The following SLC17A6 variants were observed in gnomAD, a reference collection of about 807,000 sequenced individuals.
SLC17A6 encodes solute carrier family 17 member 6.
A neutral mutation model predicts 67.1 loss-of-function variants in SLC17A6; 35 were observed. The observed-to-expected ratio is 0.52, with a 90% CI of 0.40 to 0.69. The LOEUF (loss-of-function observed/expected upper bound fraction) is 0.69, where lower values mean the gene tolerates loss of function less well. SLC17A6 is among the 30% of genes least tolerant of loss of function. The pLI is 0.00. For synonymous variants in SLC17A6, 285 were observed against 252.3 expected, an observed-to-expected ratio of 1.13 and a Z score of -1.23; for missense variants, 588 against 723.9, an observed-to-expected ratio of 0.81 and a Z score of 2.15.
intron 3 of SLC17A6, among the ~76,000 whole-genome samples, chr11:22,348,316 C>T (rs75999168): frequency 0.026 from 4,009 of 152,248 alleles, 173 homozygotes; most frequent in African/African-American, 0.092. Flanking sequence ...GGAAGAATTT[C>T]ATGAATTAGC....
rs372049886 is a variant in SLC17A6 at position 22,376,544 on chromosome 11, G to A, written c.1286-1G>A. On this transcript the variant is annotated splice_acceptor_variant, in intron 10 of 11. Coordinates refer to ENST00000263160, the MANE Select transcript of SLC17A6 (RefSeq NM_020346.3). LOFTEE classifies it high-confidence loss of function. ...AGTCAAAACTTATGTGTGTATTTCA[G>A]GTTTCAATGTTAACCACTTGGATAT... The A allele has an allele frequency of 1.2e-6, 2 of 1,613,674 alleles. No individual in the cohort carries two copies. The highest frequency in any genetic ancestry group is 1.7e-6 in the Non-Finnish European group (2 of 1,179,862).
chr11:22,361,012 G>T, intron 5 of SLC17A6, 28 bp downstream of exon 5: 2 of 1,592,958 alleles, frequency 1.3e-6, no homozygotes, highest in Non-Finnish European at 1.7e-6. Context: ...ATGCAGCTAT[G>T]GTGGCTAAAA....
chr11:22,369,649 G>T (rs146658424), intron 7 of SLC17A6, among the ~76,000 whole-genome samples: 2 of 151,416 alleles, frequency 1.3e-5, no homozygotes, highest in Non-Finnish European at 3.0e-5. Flanking sequence ...AAATGTTTTG[G>T]ATATCACAAG....
chr11:22,357,088 G>C (rs184998862), intron 3 of SLC17A6, among the ~76,000 whole-genome samples: 1 of 152,018 alleles, frequency 6.6e-6, no homozygotes, highest in Admixed American at 6.6e-5. Flanking sequence ...AAACTCATTG[G>C]GTTTTAAATA....
At chr11:22,344,828 G>T (rs143374690) in intron 3 of SLC17A6, among the ~76,000 whole-genome samples, 1,564 of 152,158 alleles carry the variant, frequency 0.01, 17 homozygotes, top group Middle Eastern at 0.031. Context: ...AAATATTATT[G>T]ATTATGAGCA....
At chr11:22,346,755 T>C (rs2593693) in intron 3 of SLC17A6, among the ~76,000 whole-genome samples, 45,225 of 150,294 alleles carry the variant, frequency 0.3, 7,659 homozygotes, top group African/African-American at 0.47. Flanking sequence ...TTTTACCCTG[T>C]ATTTAAATTG....
intron 1 of SLC17A6, among the ~76,000 whole-genome samples, chr11:22,339,061 TTA>T (rs59446847): frequency 0.073 from 8,993 of 123,662 alleles, 1,022 homozygotes; most frequent in East Asian, 0.22. Context: ...GAGTAATGGT[TTA>T]TATATATATA....
chr11:22,359,309 GA>G (rs564313340), intron 3 of SLC17A6, 103 bp from the exon 4 acceptor site: 333 of 602,394 alleles, frequency 5.5e-4, no homozygotes, highest in Non-Finnish European at 8.0e-4. Context: ...AATTATTGGC[GA>G]TTTTTTTATT....
At chr11:22,355,842 C>T (rs1855988349) in intron 3 of SLC17A6, among the ~76,000 whole-genome samples, 1 of 152,092 alleles carries the variant, frequency 6.6e-6, no homozygotes, top group African/African-American at 2.4e-5. Context: ...TTGAAAGTTT[C>T]CCTACCAAAG....
At chr11:22,347,416 A>T (rs7395002) in intron 3 of SLC17A6, among the ~76,000 whole-genome samples, 1 of 152,140 alleles carries the variant, frequency 6.6e-6, no homozygotes, top group East Asian at 1.9e-4. Context: ...GGGTCGTAAC[A>T]GCTAAATATA....
chr11:22,376,503 C>T lies in SLC17A6; in HGVS notation c.1286-42C>T, dbSNP rs369548087. 26 of 1,611,950 alleles carry T rather than the reference C, an allele frequency of 1.6e-5. No individual in the cohort carries two copies. The East Asian group carries it at 4.0e-4, about 25-fold the overall frequency. The stretch of plus-strand genomic sequence containing the variant: ...GTTCTATAGGTATTTACTTCTAAGA[C>T]GTTTAGGATGCCCTGAGTCAAAACT... On this transcript the variant is annotated intron_variant, in intron 10 of 11. Transcript: ENST00000263160.
At chr11:22,354,890 A>G (rs1393197720) in intron 3 of SLC17A6, among the ~76,000 whole-genome samples, 1 of 152,214 alleles carries the variant, frequency 6.6e-6, no homozygotes, top group Non-Finnish European at 1.5e-5. Context: ...TTCAATAACA[A>G]TTGACAACTA....
At chr11:22,351,008 A>G (rs1359633639) in intron 3 of SLC17A6, among the ~76,000 whole-genome samples, 10 of 152,132 alleles carry the variant, frequency 6.6e-5, no homozygotes, top group Non-Finnish European at 1.5e-5. Context: ...AAAAATCAAA[A>G]AATAAATATT....
chr11:22,377,400 T>C lies in SLC17A6; in HGVS notation c.1414-5T>C, dbSNP rs370942605. On this transcript the variant is annotated splice_polypyrimidine_tract_variant and splice_region_variant and intron_variant, in intron 11 of 11. Transcript: ENST00000263160. Reference sequence around the variant, plus strand: ...TTCTCACAGTGCTGCTTTTTCTCACTGCAGTCACGTGAAGAGTGGCAGTAT... The same window carrying C: ...TTCTCACAGTGCTGCTTTTTCTCACCGCAGTCACGTGAAGAGTGGCAGTAT... 11 of 1,597,138 alleles carry C rather than the reference T, an allele frequency of 6.9e-6. No individual in the cohort carries two copies. Among genetic ancestry groups the C allele is most frequent in the Non-Finnish European group, 9.4e-6 (11 of 1,169,202 alleles).
intron 1 of SLC17A6, among the ~76,000 whole-genome samples, chr11:22,339,360 T>C (rs1855786293): frequency 8.6e-5 from 13 of 151,586 alleles, no homozygotes; most frequent in Admixed American, 8.5e-4. Context: ...AAACAATGTA[T>C]ATGCATTTTT....
intron 3 of SLC17A6, among the ~76,000 whole-genome samples, chr11:22,345,069 G>T (rs140395792): frequency 6.6e-6 from 1 of 151,830 alleles, no homozygotes; most frequent in African/African-American, 2.4e-5. Context: ...TGACTTTAAG[G>T]GTTTTTTTCA....
At chr11:22,343,197 G>T in intron 2 of SLC17A6, 50 bp from the exon 3 acceptor site, 1 of 1,466,070 alleles carries the variant, frequency 6.8e-7, no homozygotes, top group Non-Finnish European at 9.5e-7. Flanking sequence ...GTGAGCCTTT[G>T]GTACTGACTC....
rs11826849 is a variant in SLC17A6, at chr11:22,371,883, A to G, written c.1041+1695A>G. 7.3e-3 allele frequency among the ~76,000 whole-genome samples: 1,107 copies of G among 152,180 alleles called. 18 individuals are homozygous for G. Among genetic ancestry groups the G allele is most frequent in the African/African-American group, 0.026 (1,063 of 41,544 alleles). ...GAAAAAATTGTATAGGAGATGATGG[A>G]GAACATAGGGAATTTGCTTTGGGTC... On this transcript the variant is annotated intron_variant, in intron 8 of 11. Coordinates refer to ENST00000263160, the MANE Select transcript of SLC17A6 (RefSeq NM_020346.3).
intron 8 of SLC17A6, among the ~76,000 whole-genome samples, chr11:22,373,645 C>T (rs911801704): frequency 7.2e-5 from 11 of 152,230 alleles, no homozygotes; most frequent in East Asian, 5.8e-4. Context: ...TTTCGACTCA[C>T]GTAGAACTGA....
Sources: allele counts gnomAD v4.1 joint callset (sites outside exome capture counted in the v4.1 genomes callset), GRCh38; gene constraint gnomAD v4.1.1; transcripts MANE v1.5; gene names NCBI Gene and HGNC (gene_info 2026-07-23, HGNC 2026-07-21).